Variants in LYRM4 observed in about 807,000 individuals in gnomAD.
LYRM4 encodes LYR motif-containing protein 4.
LYRM4 carries 9 observed loss-of-function variants against 11.7 expected under a neutral mutation model. The ratio of observed to expected loss-of-function variants is 0.77; its 90% CI spans 0.46 to 1.34. The LOEUF (loss-of-function observed/expected upper bound fraction) is 1.34, where lower values mean the gene tolerates loss of function less well. Ranked by LOEUF, LYRM4 falls within the 40% of genes most tolerant of loss-of-function variation. LYRM4 has a pLI of 0.00. For synonymous variants in LYRM4, 42 were observed against 40.4 expected, an observed-to-expected ratio of 1.04 and a Z score of -0.15; for missense variants, 133 against 112.5, an observed-to-expected ratio of 1.18 and a Z score of -0.82.
chr6:5,155,377 G>A (rs189738370), intron 2 of LYRM4, among the ~76,000 whole-genome samples: 204 of 152,236 alleles, frequency 1.3e-3, no homozygotes, highest in Non-Finnish European at 1.9e-3. Context: ...CTCTGAGCCC[G>A]GCTGAGATGG....
At chr6:5,043,163 C>T in the LYRM4 span, 1 of 152,148 alleles carries the variant, frequency 6.6e-6, no homozygotes, top group Admixed American at 6.6e-5. Context: ...ACTGACTTCT[C>T]AGATAATACC....
chr6:5,118,501 A>G (rs1314353428), intron 2 of LYRM4, among the ~76,000 whole-genome samples: 1 of 152,118 alleles, frequency 6.6e-6, no homozygotes, highest in African/African-American at 2.4e-5. Context: ...TGCACTGAGG[A>G]AGGTAAGCAT....
intron 1 of LYRM4, among the ~76,000 whole-genome samples, chr6:5,224,414 C>A (rs1002640824): frequency 6.6e-6 from 1 of 152,186 alleles, no homozygotes; most frequent in African/African-American, 2.4e-5. Context: ...GACAGGTACA[C>A]CCTGCTGGTG....
chr6:5,123,927 G>A (rs1313858516), intron 2 of LYRM4, among the ~76,000 whole-genome samples: 1 of 152,242 alleles, frequency 6.6e-6, no homozygotes. Context: ...GCTGCAAGAG[G>A]TGAAGATGAC....
intron 2 of LYRM4, among the ~76,000 whole-genome samples, chr6:5,153,619 A>G (rs911725229): frequency 1.3e-5 from 2 of 152,236 alleles, no homozygotes; most frequent in Non-Finnish European, 2.9e-5. Context: ...TGTGAAATAC[A>G]CACGGACACT....
chr6:5,038,509 C>T, the LYRM4 span, among the ~76,000 whole-genome samples: 4 of 66,084 alleles, frequency 6.1e-5, 1 homozygote, highest in Admixed American at 2.1e-4. Context: ...GCTGCAATCT[C>T]GGCACTTTGG....
At chr6:5,057,594 A>G in the LYRM4 span, among the ~76,000 whole-genome samples, 1 of 151,964 alleles carries the variant, frequency 6.6e-6, no homozygotes, top group South Asian at 2.1e-4. Flanking sequence ...TGGCGCCTGT[A>G]ATCCCAGCTA....
At chr6:5,115,587 C>G (rs754588553) in intron 2 of LYRM4, among the ~76,000 whole-genome samples, 1 of 152,078 alleles carries the variant, frequency 6.6e-6, no homozygotes, top group African/African-American at 2.4e-5. Context: ...GGTGCCCTCC[C>G]GTAAGGCATG....
At chr6:5,258,214 T>C (rs556557637) in intron 1 of LYRM4, among the ~76,000 whole-genome samples, 1 of 152,332 alleles carries the variant, frequency 6.6e-6, no homozygotes, top group South Asian at 2.1e-4. Context: ...TATCAAAACG[T>C]GGCCTATATT....
chr6:5,255,487 G>T (rs906906561), intron 1 of LYRM4, among the ~76,000 whole-genome samples: 1 of 141,242 alleles, frequency 7.1e-6, no homozygotes, highest in Non-Finnish European at 1.5e-5. Flanking sequence ...TTTAAAATAG[G>T]TGTTTTTAAA....
At chr6:5,160,052 C>T (rs1183221221) in intron 2 of LYRM4, among the ~76,000 whole-genome samples, 1 of 152,162 alleles carries the variant, frequency 6.6e-6, no homozygotes, top group African/African-American at 2.4e-5. Flanking sequence ...GAGGACCACC[C>T]ATCCGGAAGT....
intron 2 of LYRM4, among the ~76,000 whole-genome samples, chr6:5,119,303 G>A (rs1274062792): frequency 2.0e-5 from 3 of 152,094 alleles, no homozygotes; most frequent in African/African-American, 7.2e-5. Flanking sequence ...GAAACAAGGT[G>A]CAAGAGCGTG....
At chr6:5,154,198 T>C (rs575739005) in intron 2 of LYRM4, among the ~76,000 whole-genome samples, 40 of 152,318 alleles carry the variant, frequency 2.6e-4, no homozygotes, top group South Asian at 4.1e-4. Flanking sequence ...ATCAGAAACA[T>C]TGATTTCATT....
At chr6:5,074,957 G>C in the LYRM4 span, among the ~76,000 whole-genome samples, 3 of 152,136 alleles carry the variant, frequency 2.0e-5, no homozygotes, top group Non-Finnish European at 4.4e-5. Flanking sequence ...AACTGGTTTA[G>C]TGCTCTTCCT....
chr6:5,228,817 G>A (rs533387424), intron 1 of LYRM4, among the ~76,000 whole-genome samples: 27 of 151,166 alleles, frequency 1.8e-4, no homozygotes, highest in African/African-American at 5.3e-4. Flanking sequence ...TGGCTAACAC[G>A]GTGAAACCCC....
rs543604951 is a variant in LYRM4 at position 5,148,012 on chromosome 6, G to A, written c.208-38521C>T. 3.9e-5 allele frequency among the ~76,000 whole-genome samples: 6 copies of A among 152,176 alleles called. No individual in the cohort carries two copies. The South Asian group carries it at 1.2e-3, about 32-fold the overall frequency. ...TTCTTTCAGTTCCAGAACACACCAA[G>A]CTCGTTAGCACTCCCCAGGCCACCT... On this transcript the variant is annotated intron_variant, in intron 2 of 2. Coordinates refer to ENST00000330636, the MANE Select transcript of LYRM4 (RefSeq NM_020408.6).
chr6:5,159,227 TGTGG>T (rs1210350141), intron 2 of LYRM4, among the ~76,000 whole-genome samples: 3 of 152,168 alleles, frequency 2.0e-5, no homozygotes, highest in Non-Finnish European at 4.4e-5. Flanking sequence ...CAGACACGTA[TGTGG>T]GTGTCATCCC....
intron 1 of LYRM4, among the ~76,000 whole-genome samples, chr6:5,218,704 T>C (rs1025614119): frequency 3.3e-5 from 5 of 152,208 alleles, no homozygotes; most frequent in African/African-American, 4.8e-5. Context: ...ATCCATGTAC[T>C]AGCAGCTGCT....
At chr6:5,155,756 T>C (rs1381604726) in intron 2 of LYRM4, among the ~76,000 whole-genome samples, 2 of 152,212 alleles carry the variant, frequency 1.3e-5, no homozygotes, top group Admixed American at 6.5e-5. Context: ...AAGGCTCACA[T>C]GTTAATGTAC....
Sources: allele counts gnomAD v4.1 joint callset (sites outside exome capture counted in the v4.1 genomes callset), GRCh38; gene constraint gnomAD v4.1.1; transcripts MANE v1.5; gene names NCBI Gene and HGNC (gene_info 2026-07-23, HGNC 2026-07-21).